ESRRG: variants seen among roughly 807,000 people sequenced by gnomAD.
ESRRG encodes estrogen related receptor gamma, also known as estrogen-related receptor gamma.
A neutral mutation model predicts 44.0 loss-of-function variants in ESRRG; 13 were observed. That is an observed-to-expected ratio of 0.30 (90% CI 0.19 to 0.47). The LOEUF is 0.47. ESRRG is among the 20% of genes least tolerant of loss of function. The pLI is 1.00. For synonymous variants in ESRRG, 215 were observed against 214.6 expected, an observed-to-expected ratio of 1.00 and a Z score of -0.02; for missense variants, 395 against 580.6, an observed-to-expected ratio of 0.68 and a Z score of 3.29.
At chr1:217,093,894 A>G (rs1336028575), upstream of ESRRG, among the ~76,000 whole-genome samples, 1 of 151,902 alleles carries the variant, frequency 6.6e-6, no homozygotes, top group Non-Finnish European at 1.5e-5. Context: ...ATAAAATATT[A>G]TTATCTGAGA....
At chr1:216,849,518 T>C (rs1246404896) in intron 2 of ESRRG, among the ~76,000 whole-genome samples, 1 of 152,146 alleles carries the variant, frequency 6.6e-6, no homozygotes, top group African/African-American at 2.4e-5. Context: ...TCCACTAGTT[T>C]CTATTAAATT....
chr1:216,555,240 G>A (rs1329148044), intron 5 of ESRRG, among the ~76,000 whole-genome samples: 1 of 152,184 alleles, frequency 6.6e-6, no homozygotes, highest in African/African-American at 2.4e-5. Flanking sequence ...TTTCTCTACT[G>A]AGGTTTGTGA....
Position 216,973,472 on chromosome 1 carries a change from C to T in ESRRG, c.-105-33799G>A, listed in dbSNP as rs189885984. ...AACCACTCCCTCAGTGTTGTCAGGTCGCTGCTGTTGCCCCAGGGCCCAGAA... is the reference window on the plus strand; with the variant it reads ...AACCACTCCCTCAGTGTTGTCAGGTTGCTGCTGTTGCCCCAGGGCCCAGAA... On this transcript the variant is annotated intron_variant, in intron 1 of 7. Coordinates refer to the ESRRG transcript ENST00000359162. Among the ~76,000 whole-genome samples the T allele has an allele frequency of 5.5e-4, 84 of 152,264 alleles. 1 individual carries two copies. The highest frequency in any genetic ancestry group is 1.2e-3 in the South Asian group (6 of 4,824).
chr1:216,566,032 TG>T (rs2059630413), intron 4 of ESRRG, among the ~76,000 whole-genome samples: 1 of 151,860 alleles, frequency 6.6e-6, no homozygotes, highest in South Asian at 2.1e-4. Flanking sequence ...TCCAAGTCAA[TG>T]GATACTTGAC....
chr1:216,560,340 TAAAC>T (rs937484121), intron 5 of ESRRG, among the ~76,000 whole-genome samples: 1 of 152,132 alleles, frequency 6.6e-6, no homozygotes, highest in Non-Finnish European at 1.5e-5. Flanking sequence ...ACGTTAAAAA[TAAAC>T]AAGCAGACCT....
chr1:216,821,699 AATAAATAAAT>A (rs2095296289), intron 2 of ESRRG, among the ~76,000 whole-genome samples: 3 of 126,012 alleles, frequency 2.4e-5, no homozygotes, highest in African/African-American at 9.3e-5. Flanking sequence ...AAAATAAATA[AATAAATAAAT>A]AAATAAATAA....
At chr1:216,706,608 G>A (rs1289923707) in intron 1 of ESRRG, among the ~76,000 whole-genome samples, 2 of 152,130 alleles carry the variant, frequency 1.3e-5, no homozygotes, top group Admixed American at 6.5e-5. Context: ...ATGATGCCAA[G>A]CTATCCTGAG....
chr1:216,709,981 TTTCTGCATG>T (rs2083272627), intron 1 of ESRRG, among the ~76,000 whole-genome samples: 1 of 152,178 alleles, frequency 6.6e-6, no homozygotes, highest in South Asian at 2.1e-4. Context: ...TTAGAAGAAT[TTTCTGCATG>T]TGTTTTGAGT....
intron 2 of ESRRG, among the ~76,000 whole-genome samples, chr1:216,907,597 G>A (rs2059830291): frequency 6.6e-6 from 1 of 152,110 alleles, no homozygotes; most frequent in African/African-American, 2.4e-5. Context: ...GCCTTCCCTT[G>A]TACCCCTGTA....
chr1:216,553,742 C>T (rs2056929124), intron 5 of ESRRG, among the ~76,000 whole-genome samples: 1 of 151,834 alleles, frequency 6.6e-6, no homozygotes, highest in Admixed American at 6.6e-5. Context: ...TCCAAGTGTA[C>T]ATAAAAAGCT....
rs2092692065 is a variant in ESRRG, at chr1:216,760,160, C to T, written c.-13-82669G>A. On this transcript the variant is annotated intron_variant, in intron 2 of 7. Coordinates refer to the ESRRG transcript ENST00000359162. The stretch of plus-strand genomic sequence containing the variant: ...TGTCTCCCCAGCGCAAGGGACCATG[C>T]CTGGTACAGAGGTGGTGCCCAATAA... 2.0e-5 allele frequency among the ~76,000 whole-genome samples: 3 copies of T among 151,888 alleles called. No homozygotes were observed. The South Asian group carries it at 6.2e-4, about 32-fold the overall frequency.
intron 1 of ESRRG, among the ~76,000 whole-genome samples, chr1:217,081,608 T>C (rs1253447465): frequency 6.6e-6 from 1 of 152,134 alleles, no homozygotes; most frequent in Non-Finnish European, 1.5e-5. Flanking sequence ...TTCTTTTTGT[T>C]TGGTTGGTTG....
intron 2 of ESRRG, among the ~76,000 whole-genome samples, chr1:216,651,474 T>C (rs2068936931): frequency 6.6e-6 from 1 of 152,222 alleles, no homozygotes; most frequent in Admixed American, 6.5e-5. Context: ...GGATTTATTC[T>C]GATTCCTAAT....
chr1:217,065,894 A>G (rs1334458210), intron 1 of ESRRG, among the ~76,000 whole-genome samples: 3 of 152,214 alleles, frequency 2.0e-5, no homozygotes, highest in Non-Finnish European at 4.4e-5. Flanking sequence ...AGAAAAATAA[A>G]GCCTTCCCGC....
chr1:216,790,905 A>G (rs139290564), intron 2 of ESRRG, among the ~76,000 whole-genome samples: 76 of 152,300 alleles, frequency 5.0e-4, no homozygotes, highest in Middle Eastern at 3.4e-3. Context: ...AGACAATCAG[A>G]GAGATGCCAG....
chr1:216,985,979 G>C (rs769932846), intron 1 of ESRRG, among the ~76,000 whole-genome samples: 6 of 152,196 alleles, frequency 3.9e-5, no homozygotes, highest in Non-Finnish European at 7.3e-5. Context: ...GGCAAAGATA[G>C]CTTGACCACA....
intron 2 of ESRRG, among the ~76,000 whole-genome samples, chr1:216,676,705 T>G (rs1183159473): frequency 1.3e-5 from 2 of 152,230 alleles, no homozygotes; most frequent in African/African-American, 4.8e-5. Flanking sequence ...CTAAAGTATT[T>G]ATTATTTCCA....
At chr1:217,048,502 GC>G (rs2085308708) in intron 1 of ESRRG, among the ~76,000 whole-genome samples, 3 of 152,140 alleles carry the variant, frequency 2.0e-5, no homozygotes, top group African/African-American at 7.2e-5. Flanking sequence ...CAACGAGGGT[GC>G]TATTCCTGCA....
intron 3 of ESRRG, among the ~76,000 whole-genome samples, chr1:216,591,673 A>T (rs1373294677): frequency 6.6e-6 from 1 of 152,152 alleles, no homozygotes; most frequent in Non-Finnish European, 1.5e-5. Context: ...TGTGCCAGAA[A>T]AGTAAGAAAA....
Sources: allele counts gnomAD v4.1 joint callset (sites outside exome capture counted in the v4.1 genomes callset), GRCh38; gene constraint gnomAD v4.1.1; transcripts MANE v1.5; gene names NCBI Gene and HGNC (gene_info 2026-07-23, HGNC 2026-07-21).